The following DEUP1 variants were observed in gnomAD, a reference collection of about 807,000 sequenced individuals.
DEUP1 encodes the protein deuterosome assembly protein 1.
DEUP1 carries 82 observed loss-of-function variants against 87.4 expected under a neutral mutation model. The ratio of observed to expected loss-of-function variants is 0.94; its 90% CI spans 0.78 to 1.13. The LOEUF is 1.13. Ranked by LOEUF, DEUP1 falls within the 50% of genes most tolerant of loss-of-function variation. The pLI is 0.00. For synonymous variants in DEUP1, 214 were observed against 222.7 expected (o/e 0.96, Z 0.35); for missense variants, 663 against 681.5 (o/e 0.97, Z 0.30).
At chr11:93,420,124 TA>T (rs967214479) in intron 13 of DEUP1, among the ~76,000 whole-genome samples, 3 of 152,192 alleles carry the variant, frequency 2.0e-5, no homozygotes, top group African/African-American at 7.2e-5. Flanking sequence ...AAGAGAATTT[TA>T]GACCAATATC....
intron 7 of DEUP1, among the ~76,000 whole-genome samples, chr11:93,372,175 G>A (rs566622966): frequency 1.3e-5 from 2 of 152,102 alleles, no homozygotes; most frequent in South Asian, 4.1e-4. Context: ...TGATCCGCCC[G>A]CCTCGGCCTC....
Position 93,388,644 on chromosome 11 carries a change from C to T in DEUP1, c.936-376C>T, listed in dbSNP as rs1396899091. ...GACTTCTCATGACATAGTTCCTTTC[C>T]ACAATACATTAGCAAGTTGGGTGTG... On this transcript the variant is annotated intron_variant, in intron 8 of 13. Transcript: ENST00000298050. 3.3e-5 allele frequency among the ~76,000 whole-genome samples: 5 copies of T among 152,112 alleles called. No individual in the cohort carries two copies. In the East Asian group the frequency reaches 9.6e-4, roughly 29 times the overall value.
chr11:93,410,752 AT>A (rs1466864757), intron 12 of DEUP1, among the ~76,000 whole-genome samples: 1 of 152,198 alleles, frequency 6.6e-6, no homozygotes. Context: ...AAGTATTTTT[AT>A]TGTTTGGGTT....
At chr11:93,386,160 A>G (rs1411734219) in intron 8 of DEUP1, among the ~76,000 whole-genome samples, 2 of 152,180 alleles carry the variant, frequency 1.3e-5, no homozygotes. Flanking sequence ...TTGATTGCCT[A>G]TACCTGATGT....
chr11:93,408,088 G>C, intron 11 of DEUP1, 143 bp from the exon 12 acceptor site: 2 of 578,926 alleles, frequency 3.5e-6, no homozygotes, highest in Non-Finnish European at 5.9e-6. Flanking sequence ...GTGGAAAGGA[G>C]CATTTAGAAA....
At chr11:93,414,171 T>A (rs1403961078) in intron 12 of DEUP1, among the ~76,000 whole-genome samples, 1 of 152,086 alleles carries the variant, frequency 6.6e-6, no homozygotes, top group East Asian at 1.9e-4. Context: ...TGGTGTAAAT[T>A]GAAAGCATGT....
At chr11:93,340,671 A>C (rs1485033035) in intron 2 of DEUP1, among the ~76,000 whole-genome samples, 1 of 152,242 alleles carries the variant, frequency 6.6e-6, no homozygotes, top group Non-Finnish European at 1.5e-5. Flanking sequence ...AGATGTAGAC[A>C]TAGTGACAAA....
intron 13 of DEUP1, among the ~76,000 whole-genome samples, chr11:93,419,850 A>C (rs1396530573): frequency 1.4e-5 from 2 of 147,470 alleles, no homozygotes; most frequent in Non-Finnish European, 3.0e-5. Context: ...CACCTTCAAA[A>C]AAATAATAAA....
chr11:93,374,122 A>G (rs188210486), intron 7 of DEUP1, among the ~76,000 whole-genome samples: 34 of 151,942 alleles, frequency 2.2e-4, no homozygotes, highest in Admixed American at 1.0e-3. Flanking sequence ...CCACTTTTTG[A>G]TGGGATTGTT....
Position 93,352,358 on chromosome 11 carries a change from T to C in DEUP1, c.30-3013T>C, listed in dbSNP as rs777997534. 1.1e-5 allele frequency: 8 copies of C among 702,542 alleles called. No homozygotes were observed. The South Asian group carries it at 1.2e-4, about 10-fold the overall frequency. The allele number at this position is 702,542 out of a possible 1,614,324, so 43.5% of individuals were successfully genotyped here. ...CTTATCCAGTCTGAGTGACTGGACT[T>C]ACACCAGCTCCCTGGAGAATGCTTC... is the stretch of plus-strand genomic sequence containing the variant. On this transcript the variant is annotated intron_variant, in intron 2 of 13. Coordinates refer to ENST00000298050, the MANE Select transcript of DEUP1 (RefSeq NM_181645.4).
In DEUP1 at chr11:93,359,910, G is replaced by C. The variant is rs12099203; in HGVS notation, c.297+2867G>C. Reference sequence around the variant, plus strand: ...CTGAGAAGACTGAGTGGAGAGCCAGGACTTTCATCCTCACTAGACATTAAC... The same window carrying C: ...CTGAGAAGACTGAGTGGAGAGCCAGCACTTTCATCCTCACTAGACATTAAC... On this transcript the variant is annotated intron_variant, in intron 4 of 13. Coordinates refer to ENST00000298050, the MANE Select transcript of DEUP1 (RefSeq NM_181645.4). Among the ~76,000 whole-genome samples, 706 of 152,202 alleles carry C rather than the reference G, an allele frequency of 4.6e-3. 4 individuals are homozygous for C. The highest frequency in any genetic ancestry group is 0.016 in the African/African-American group (674 of 41,536).
rs545400190 is a variant in DEUP1 at position 93,375,514 on chromosome 11, A to G, written c.789+4234A>G. On this transcript the variant is annotated intron_variant, in intron 7 of 13. Coordinates refer to ENST00000298050, the MANE Select transcript of DEUP1 (RefSeq NM_181645.4). Reference sequence around the variant, plus strand: ...ATAAAAGGATGCTGGATTTTGTCACATAATTTTTCTGTGTCTATTGAGATG... The same window carrying G: ...ATAAAAGGATGCTGGATTTTGTCACGTAATTTTTCTGTGTCTATTGAGATG... 1.3e-3 allele frequency among the ~76,000 whole-genome samples: 198 copies of G among 152,270 alleles called. 1 individual carries two copies. The highest frequency in any genetic ancestry group is 4.6e-3 in the African/African-American group (190 of 41,538).
At chr11:93,431,112 AAAAG>A (rs1565355735) in intron 13 of DEUP1, among the ~76,000 whole-genome samples, 1 of 113,326 alleles carries the variant, frequency 8.8e-6, no homozygotes, top group Non-Finnish European at 2.0e-5. Flanking sequence ...AAAAAAAAAA[AAAAG>A]AAAGAAAGAA....
chr11:93,416,878 C>T (rs190688011), intron 13 of DEUP1, among the ~76,000 whole-genome samples: 8 of 151,982 alleles, frequency 5.3e-5, no homozygotes, highest in Non-Finnish European at 7.4e-5. Context: ...GTTCAATATA[C>T]GCAAATCAAT....
chr11:93,406,865 T>C (rs1947295378), intron 11 of DEUP1, among the ~76,000 whole-genome samples: 1 of 151,818 alleles, frequency 6.6e-6, no homozygotes, highest in African/African-American at 2.4e-5. Flanking sequence ...AATAGACAAT[T>C]GACAAAAGAT....
rs558629127 is a variant in DEUP1 at position 93,373,467 on chromosome 11, G to A, written c.789+2187G>A. Reference sequence around the variant, plus strand: ...AGGAGCAATAACAAAATGATGTTTCGTTTTCCATTCCTGAGTTACTTCACT... The same window carrying A: ...AGGAGCAATAACAAAATGATGTTTCATTTTCCATTCCTGAGTTACTTCACT... On this transcript the variant is annotated intron_variant, in intron 7 of 13. Coordinates refer to ENST00000298050, the MANE Select transcript of DEUP1 (RefSeq NM_181645.4). 1.1e-4 allele frequency among the ~76,000 whole-genome samples: 16 copies of A among 151,516 alleles called. No homozygotes were observed. In the South Asian group the frequency reaches 3.3e-3, roughly 32 times the overall value.
At chr11:93,389,365 T>G (rs529220046) in intron 9 of DEUP1, among the ~76,000 whole-genome samples, 3 of 152,298 alleles carry the variant, frequency 2.0e-5, no homozygotes, top group African/African-American at 7.2e-5. Flanking sequence ...GGTGGAGGGC[T>G]GGAGGCTCCA....
chr11:93,334,147 A>G (rs1019130474), intron 2 of DEUP1, among the ~76,000 whole-genome samples: 1 of 152,162 alleles, frequency 6.6e-6, no homozygotes, highest in Non-Finnish European at 1.5e-5. Context: ...GGGTCCACAC[A>G]CTGCCTACCA....
At chr11:93,390,325 C>T (rs1424313233) in intron 9 of DEUP1, among the ~76,000 whole-genome samples, 8 of 152,096 alleles carry the variant, frequency 5.3e-5, no homozygotes, top group Admixed American at 4.6e-4. Flanking sequence ...TCTAGGAGAA[C>T]TATAGCTATT....
Sources: gnomAD v4.1 joint callset for allele counts (sites outside exome capture counted in the v4.1 genomes callset) on GRCh38, gnomAD v4.1.1 for gene constraint, MANE v1.5 for transcripts, NCBI Gene and HGNC (gene_info 2026-07-23, HGNC 2026-07-21) for gene names.